CD47: variants seen among roughly 807,000 people sequenced by gnomAD.
CD47 encodes the protein CD47 molecule, also known as leukocyte surface antigen CD47.
Under a neutral mutation model 44.6 loss-of-function variants are expected in CD47, and 11 were observed. The ratio of observed to expected loss-of-function variants is 0.25; its 90% CI spans 0.16 to 0.41. The LOEUF (loss-of-function observed/expected upper bound fraction) is 0.41, where lower values mean the gene tolerates loss of function less well. CD47 is among the 10% of genes least tolerant of loss of function. The pLI is 1.00. For missense variants in CD47, 306 were observed against 386.7 expected (o/e 0.79, Z 1.75); for synonymous variants, 140 against 136.3 (o/e 1.03, Z -0.19).
chr3:108,070,773 A>G (rs1361756597), intron 3 of CD47, among the ~76,000 whole-genome samples: 1 of 152,226 alleles, frequency 6.6e-6, no homozygotes, highest in Non-Finnish European at 1.5e-5. Flanking sequence ...ACCTAATAAC[A>G]TAATGTGTGT....
chr3:108,050,611 T>C lies in CD47; in HGVS notation c.910-9A>G. 1.0e-6 allele frequency: 1 copy of C among 971,206 alleles called. No individual in the cohort carries two copies. Among genetic ancestry groups the C allele is most frequent in the South Asian group, 1.7e-5 (1 of 59,004 alleles). 60.2% of individuals were successfully genotyped at this position (971,206 alleles called of 1,614,324 possible). On this transcript the variant is annotated splice_polypyrimidine_tract_variant and intron_variant, in intron 8 of 10. Transcript: ENST00000361309. The stretch of plus-strand genomic sequence containing the variant: ...GGTTCCTCTACAGCTTTCTGAAAAA[T>C]ATTTAAAATATATTTACATAAAAAT...
At chr3:108,059,992 C>CGAT (rs1559993150) in intron 4 of CD47, among the ~76,000 whole-genome samples, 1 of 152,188 alleles carries the variant, frequency 6.6e-6, no homozygotes, top group Non-Finnish European at 1.5e-5. Context: ...TCTCCACAAA[C>CGAT]GATGGTGTGC....
intron 4 of CD47, 126 bp downstream of exon 4, chr3:108,060,619 T>C (rs1287115994): frequency 1.6e-5 from 10 of 638,976 alleles, no homozygotes; most frequent in Non-Finnish European, 2.5e-5. Flanking sequence ...AGGGAATTGC[T>C]ATTGTTTAAG....
intron 3 of CD47, among the ~76,000 whole-genome samples, chr3:108,068,709 G>A (rs1028214370): frequency 2.6e-5 from 4 of 152,140 alleles, no homozygotes; most frequent in African/African-American, 9.7e-5. Context: ...TGCCCATAGA[G>A]TTTCTGGGAG....
At chr3:108,051,802 A>G (rs758784286) in intron 8 of CD47, 137 bp downstream of exon 8, 1 of 736,166 alleles carries the variant, frequency 1.4e-6, no homozygotes, top group East Asian at 2.7e-5. Context: ...CCATTCATGC[A>G]AAGGTCATGC....
chr3:108,050,010 G>A (rs1297916611), intron 9 of CD47, among the ~76,000 whole-genome samples: 1 of 152,128 alleles, frequency 6.6e-6, no homozygotes, highest in Non-Finnish European at 1.5e-5. Context: ...GTAGCAAAAG[G>A]CAACGATCCC....
intron 2 of CD47, among the ~76,000 whole-genome samples, chr3:108,071,868 G>A (rs1021943709): frequency 4.6e-5 from 7 of 152,044 alleles, no homozygotes; most frequent in African/African-American, 9.7e-5. Context: ...AGATGTGCCC[G>A]GTTGGTCTTT....
chr3:108,061,461 A>C (rs2079015070), intron 3 of CD47, among the ~76,000 whole-genome samples: 1 of 152,156 alleles, frequency 6.6e-6, no homozygotes, highest in South Asian at 2.1e-4. Context: ...GACAGAATAA[A>C]ACTGGGCAGA....
chr3:108,075,277 C>T (rs1272093361), intron 2 of CD47, among the ~76,000 whole-genome samples: 1 of 152,104 alleles, frequency 6.6e-6, no homozygotes, highest in Non-Finnish European at 1.5e-5. Context: ...AGGGTGTAGT[C>T]AATGAATAAG....
rs2078673181 is a variant in CD47, at chr3:108,043,995, A to T, written c.*3293T>A. On this transcript the variant is annotated 3_prime_UTR_variant, in exon 11 of 11. Transcript: ENST00000361309. ...ATATGACACAAGTAAAACTGTTTAT[A>T]AAAAAATCCCTCAACCAAATAAAAT... is the stretch of plus-strand genomic sequence containing the variant. 1 of 152,652 alleles carries T rather than the reference A, an allele frequency of 6.6e-6. No individual in the cohort carries two copies. Among genetic ancestry groups the T allele is most frequent in the Admixed American group, 6.5e-5 (1 of 15,284 alleles). 9.5% of individuals were successfully genotyped at this position (152,652 alleles called of 1,614,324 possible). A position where few individuals can be genotyped will look rare whatever the true frequency, so the allele number is the denominator to read the frequency against.
chr3:108,069,688 G>A (rs148113385), intron 3 of CD47, among the ~76,000 whole-genome samples: 35 of 152,104 alleles, frequency 2.3e-4, no homozygotes, highest in African/African-American at 4.6e-4. Context: ...CAATGATAAC[G>A]TCTGGATCAG....
chr3:108,048,371 G>GA (rs1559971847), intron 10 of CD47, among the ~76,000 whole-genome samples: 2 of 79,580 alleles, frequency 2.5e-5, no homozygotes. Flanking sequence ...TGACTGGAGT[G>GA]TTTTTTTTTT....
At chr3:108,068,310 T>C (rs951152069) in intron 3 of CD47, among the ~76,000 whole-genome samples, 2 of 152,144 alleles carry the variant, frequency 1.3e-5, no homozygotes, top group Admixed American at 1.3e-4. Flanking sequence ...TGCACATACA[T>C]TCGTGTCTCC....
chr3:108,047,200 G>A lies in CD47; in HGVS notation c.*88C>T. On this transcript the variant is annotated 3_prime_UTR_variant, in exon 11 of 11. Transcript: ENST00000361309. ...TTTCTTGTTTCTTCTCCCCAACAGT[G>A]AATCATCAAGGCCATGGTGCTTAAA... 9.4e-7 allele frequency: 1 copy of A among 1,062,230 alleles called. No homozygotes were observed. Among genetic ancestry groups the A allele is most frequent in the Admixed American group, 2.0e-5 (1 of 49,678 alleles). 65.8% of individuals were successfully genotyped at this position (1,062,230 alleles called of 1,614,324 possible). A position where few individuals can be genotyped will look rare whatever the true frequency, so the allele number is the denominator to read the frequency against.
chr3:108,056,696 G>T (rs1312978092), intron 7 of CD47, among the ~76,000 whole-genome samples: 1 of 151,956 alleles, frequency 6.6e-6, no homozygotes. Flanking sequence ...GGAACATCTT[G>T]AGCTTAGGTA....
At chr3:108,056,693 C>G (rs551700170) in intron 7 of CD47, among the ~76,000 whole-genome samples, 77 of 152,090 alleles carry the variant, frequency 5.1e-4, no homozygotes, top group African/African-American at 1.8e-3. Flanking sequence ...TTGGGAACAT[C>G]TTGAGCTTAG....
chr3:108,083,790 TC>T (rs1428622963), intron 1 of CD47, among the ~76,000 whole-genome samples: 1 of 151,758 alleles, frequency 6.6e-6, no homozygotes, highest in Middle Eastern at 3.2e-3. Flanking sequence ...TCTCCAACAG[TC>T]CTCTCTCCCT....
intron 4 of CD47, 95 bp from the exon 5 acceptor site, chr3:108,059,639 A>T (rs2078976661): frequency 1.8e-6 from 1 of 542,916 alleles, no homozygotes; most frequent in Non-Finnish European, 3.1e-6. Flanking sequence ...AAATTTTAAA[A>T]ATATACGTTT....
chr3:108,043,441 TA>T lies in CD47; in HGVS notation c.*3846del, dbSNP rs201462458. On this transcript the variant is annotated 3_prime_UTR_variant, in exon 11 of 11. Transcript: ENST00000361309. ...CAGTGATAAATTGATTTAATACATA[TA>T]AAAAAAAAAACCTTTAACGGTAACA... 8.7e-4 allele frequency: 124 copies of T among 142,236 alleles called. No homozygotes were observed. The highest frequency in any genetic ancestry group is 3.6e-3 in the Middle Eastern group (1 of 278). The allele number at this position is 142,236 out of a possible 1,614,324, so 8.8% of individuals were successfully genotyped here.
Sources: gnomAD v4.1 joint callset for allele counts (sites outside exome capture counted in the v4.1 genomes callset) on GRCh38, gnomAD v4.1.1 for gene constraint, MANE v1.5 for transcripts, NCBI Gene and HGNC (gene_info 2026-07-23, HGNC 2026-07-21) for gene names.